CDYL2: variants seen among roughly 807,000 people sequenced by gnomAD.
CDYL2 encodes the protein chromodomain Y like 2, also known as chromodomain Y-like protein 2.
In CDYL2, 23 loss-of-function variants were observed where a neutral mutation model predicts 49.4. The ratio of observed to expected loss-of-function variants is 0.47; its 90% CI spans 0.34 to 0.66. CDYL2 has a LOEUF of 0.66. Among genes scored for constraint, CDYL2 ranks in the 30% least tolerant of loss-of-function variants. The probability of loss-of-function intolerance (pLI) is 0.01; values close to 1 mark genes in which losing one functional copy is unlikely to be tolerated. For missense variants in CDYL2, 678 were observed against 656.4 expected, an observed-to-expected ratio of 1.03 and a Z score of -0.36; for synonymous variants, 360 against 268.8, an observed-to-expected ratio of 1.34 and a Z score of -3.32.
At chr16:80,632,038 G>C (rs2142390630) in intron 3 of CDYL2, among the ~76,000 whole-genome samples, 1 of 152,252 alleles carries the variant, frequency 6.6e-6, no homozygotes, top group East Asian at 1.9e-4. Context: ...AATTGGAATA[G>C]ACTCAAGAAA....
At chr16:80,605,585 T>C (rs1597117908) in intron 6 of CDYL2, among the ~76,000 whole-genome samples, 1 of 150,680 alleles carries the variant, frequency 6.6e-6, no homozygotes. Context: ...ATAGTAATAA[T>C]CATAGTAACA....
intron 1 of CDYL2, among the ~76,000 whole-genome samples, chr16:80,685,645 A>G (rs1280243700): frequency 6.6e-6 from 1 of 152,182 alleles, no homozygotes; most frequent in Non-Finnish European, 1.5e-5. Context: ...GCCAGACACT[A>G]TACTAAATGC....
At chr16:80,767,302 A>T (rs1046295871) in intron 1 of CDYL2, among the ~76,000 whole-genome samples, 3 of 152,204 alleles carry the variant, frequency 2.0e-5, no homozygotes, top group Non-Finnish European at 4.4e-5. Flanking sequence ...TTCTCTGAAA[A>T]TTTTCAAAGA....
At chr16:80,751,246 G>C (rs1314895749) in intron 1 of CDYL2, among the ~76,000 whole-genome samples, 3 of 152,188 alleles carry the variant, frequency 2.0e-5, no homozygotes, top group Admixed American at 2.0e-4. Flanking sequence ...CCAAGAGGAG[G>C]AGAAAAGCTG....
chr16:80,682,724 C>T (rs1483740896), intron 2 of CDYL2, among the ~76,000 whole-genome samples: 2 of 152,222 alleles, frequency 1.3e-5, no homozygotes, highest in South Asian at 2.1e-4. Context: ...TCTCCCCTCG[C>T]CACCCTTCCT....
At chr16:80,798,482 T>C (rs1235725584) in intron 1 of CDYL2, among the ~76,000 whole-genome samples, 3 of 152,234 alleles carry the variant, frequency 2.0e-5, no homozygotes, top group Non-Finnish European at 4.4e-5. Flanking sequence ...TATGATTATC[T>C]ACTTCACTTA....
At chr16:80,749,428 G>C (rs1419343302) in intron 1 of CDYL2, among the ~76,000 whole-genome samples, 72 of 152,056 alleles carry the variant, frequency 4.7e-4, no homozygotes, top group Non-Finnish European at 1.5e-4. Context: ...ACAAGTCCTA[G>C]TCCACTAGAA....
rs192632334 is a variant in CDYL2, at chr16:80,722,221, T to C, written c.25-37092A>G. Among the ~76,000 whole-genome samples, 10 of 152,090 alleles carry C rather than the reference T, an allele frequency of 6.6e-5. No individual in the cohort carries two copies. The East Asian group carries it at 1.5e-3, about 24-fold the overall frequency. On this transcript the variant is annotated intron_variant, in intron 1 of 6. Transcript: ENST00000570137. ...AAAAAAAAGAAGAAAATGAATAAAATGAATAAATAAGTGAATGAAAAAACC... is the reference window on the plus strand; with the variant it reads ...AAAAAAAAGAAGAAAATGAATAAAACGAATAAATAAGTGAATGAAAAAACC...
chr16:80,721,758 G>C (rs1185422934), intron 1 of CDYL2, among the ~76,000 whole-genome samples: 1 of 152,154 alleles, frequency 6.6e-6, no homozygotes, highest in East Asian at 1.9e-4. Context: ...GCTGAGCAGT[G>C]ACCACAGGGA....
chr16:80,644,918 G>C (rs4061956), intron 2 of CDYL2, among the ~76,000 whole-genome samples: 74,727 of 151,582 alleles, frequency 0.49, 20,020 homozygotes, highest in African/African-American at 0.7. Flanking sequence ...AATGGTGCTG[G>C]GAAAACTGGC....
chr16:80,757,369 G>C (rs149461079), intron 1 of CDYL2, among the ~76,000 whole-genome samples: 62 of 152,018 alleles, frequency 4.1e-4, no homozygotes, highest in African/African-American at 1.5e-3. Context: ...GCAAGACCCT[G>C]TCTTTACAAA....
intron 2 of CDYL2, among the ~76,000 whole-genome samples, chr16:80,635,593 G>T (rs1451054429): frequency 6.6e-6 from 1 of 152,192 alleles, no homozygotes; most frequent in African/African-American, 2.4e-5. Context: ...AACATTCCAT[G>T]CTCATGGAAA....
intron 1 of CDYL2, among the ~76,000 whole-genome samples, chr16:80,791,232 T>A (rs1160974809): frequency 3.3e-5 from 5 of 152,158 alleles, no homozygotes; most frequent in African/African-American, 1.2e-4. Flanking sequence ...AGGAAACACA[T>A]TCAAGAATTA....
At chr16:80,704,998 C>G (rs1904357529) in intron 1 of CDYL2, among the ~76,000 whole-genome samples, 1 of 152,196 alleles carries the variant, frequency 6.6e-6, no homozygotes, top group Admixed American at 6.5e-5. Context: ...CAGCTAGGAG[C>G]TAGACCTCAC....
At position 80,784,188 on chromosome 16, in the gene CDYL2, G is replaced by C. The variant is rs189401940; in HGVS notation, c.24+19962C>G. Among the ~76,000 whole-genome samples the C allele has an allele frequency of 1.6e-3, 249 of 152,004 alleles. 2 individuals carry two copies. Among genetic ancestry groups the C allele is most frequent in the African/African-American group, 5.8e-3 (241 of 41,484 alleles). On this transcript the variant is annotated intron_variant, in intron 1 of 6. Transcript: ENST00000570137. ...TCTTAATATTTTTGCTTCCATTTAA[G>C]TTATTCCTTCTTTATGGTTTCCTTT...
chr16:80,694,326 C>G (rs900994662), intron 1 of CDYL2, among the ~76,000 whole-genome samples: 3 of 152,192 alleles, frequency 2.0e-5, no homozygotes, highest in Non-Finnish European at 4.4e-5. Context: ...AGGCCACGGC[C>G]TGGTACCAGT....
At chr16:80,656,043 T>A (rs139760762) in intron 2 of CDYL2, among the ~76,000 whole-genome samples, 3 of 152,382 alleles carry the variant, frequency 2.0e-5, no homozygotes, top group Admixed American at 6.5e-5. Flanking sequence ...CACGAGCTCT[T>A]GAGCATTGGT....
intron 1 of CDYL2, among the ~76,000 whole-genome samples, chr16:80,771,570 T>C (rs1429737759): frequency 6.6e-6 from 1 of 152,126 alleles, no homozygotes; most frequent in Admixed American, 6.5e-5. Flanking sequence ...CCAGGTGTGG[T>C]GGTGCGCACC....
chr16:80,800,454 T>C (rs967328637), intron 1 of CDYL2, among the ~76,000 whole-genome samples: 4 of 152,148 alleles, frequency 2.6e-5, no homozygotes, highest in Admixed American at 1.3e-4. Flanking sequence ...GTTTTTCCCA[T>C]AAACTCTGTT....
Sources: gnomAD v4.1 joint callset for allele counts (sites outside exome capture counted in the v4.1 genomes callset) on GRCh38, gnomAD v4.1.1 for gene constraint, MANE v1.5 for transcripts, NCBI Gene and HGNC (gene_info 2026-07-23, HGNC 2026-07-21) for gene names.